TBC1D4: variants seen among roughly 807,000 people sequenced by gnomAD.
TBC1D4 encodes TBC (Tre-2, BUB2, CDC16) domain-containing protein.
In TBC1D4, 121 loss-of-function variants were observed where a neutral mutation model predicts 142.5. That is an observed-to-expected ratio of 0.85 (90% CI 0.73 to 0.99). The LOEUF (loss-of-function observed/expected upper bound fraction) is 0.99, where lower values mean the gene tolerates loss of function less well. TBC1D4 is among the 50% of genes least tolerant of loss of function. The pLI is 0.00. For synonymous variants in TBC1D4, 630 were observed against 628.2 expected, an observed-to-expected ratio of 1.00 and a Z score of -0.04; for missense variants, 1,475 against 1,606.6, an observed-to-expected ratio of 0.92 and a Z score of 1.40.
At chr13:75,291,532 C>A (rs1278015501) in intron 19 of TBC1D4, among the ~76,000 whole-genome samples, 1 of 152,134 alleles carries the variant, frequency 6.6e-6, no homozygotes, top group African/African-American at 2.4e-5. Flanking sequence ...GAGAATGTTT[C>A]CTGTAGGGAC....
At chr13:75,383,043 C>T (rs1010356848) in intron 1 of TBC1D4, among the ~76,000 whole-genome samples, 1 of 152,162 alleles carries the variant, frequency 6.6e-6, no homozygotes, top group Non-Finnish European at 1.5e-5. Context: ...TATCTTCGGT[C>T]GAGCACAGAG....
intron 7 of TBC1D4, among the ~76,000 whole-genome samples, chr13:75,337,394 T>G (rs905374959): frequency 2.0e-5 from 3 of 152,186 alleles, no homozygotes; most frequent in African/African-American, 7.2e-5. Context: ...ATACTTTATA[T>G]CCAAATTACC....
In TBC1D4 at chr13:75,392,764, C is replaced by T. The variant is rs1044868419; in HGVS notation, c.499-30157G>A. Among the ~76,000 whole-genome samples, 12 of 152,020 alleles carry T rather than the reference C, an allele frequency of 7.9e-5. 1 individual carries two copies. The highest frequency in any genetic ancestry group is 7.9e-4 in the Admixed American group (12 of 15,250). On this transcript the variant is annotated intron_variant, in intron 1 of 20. Coordinates refer to ENST00000377636, the MANE Select transcript of TBC1D4 (RefSeq NM_014832.5). Reference sequence around the variant, plus strand: ...GATCCTCCCACCTCAGCCTCCTGAGCAGCTGGGACTACAAGCATGCGCCAC... The same window carrying T: ...GATCCTCCCACCTCAGCCTCCTGAGTAGCTGGGACTACAAGCATGCGCCAC...
intron 6 of TBC1D4, 87 bp from the exon 7 acceptor site, chr13:75,341,322 A>G (rs1017331427): frequency 7.1e-7 from 1 of 1,406,496 alleles, no homozygotes; most frequent in Non-Finnish European, 1.0e-6. Flanking sequence ...AAATAAAGCT[A>G]AGAGTTTTAA....
intron 1 of TBC1D4, among the ~76,000 whole-genome samples, chr13:75,411,283 T>C (rs556854129): frequency 6.6e-6 from 1 of 152,286 alleles, no homozygotes; most frequent in South Asian, 2.1e-4. Context: ...TAGAACTAGT[T>C]ACCACTTAGT....
intron 11 of TBC1D4, among the ~76,000 whole-genome samples, chr13:75,323,985 A>G (rs1226605254): frequency 6.6e-6 from 1 of 152,166 alleles, no homozygotes; most frequent in Middle Eastern, 3.2e-3. Context: ...GAGAAAACGA[A>G]ACACACAAAC....
At chr13:75,418,342 G>A (rs369597092) in intron 1 of TBC1D4, among the ~76,000 whole-genome samples, 1 of 152,194 alleles carries the variant, frequency 6.6e-6, no homozygotes, top group Non-Finnish European at 1.5e-5. Flanking sequence ...AATCCAGATG[G>A]AGGGATAATT....
Position 75,424,148 on chromosome 13 carries a change from T to C in TBC1D4, c.498+57122A>G, listed in dbSNP as rs368992835. ...ACTAGCCAGGCATGATGGTGTATGC[T>C]GGTAGTCCCAGTTACTCAGGAGGCT... is the stretch of plus-strand genomic sequence containing the variant. On this transcript the variant is annotated intron_variant, in intron 1 of 20. Transcript: ENST00000377636. 5.3e-5 allele frequency among the ~76,000 whole-genome samples: 8 copies of C among 152,008 alleles called. 1 individual carries two copies. In the South Asian group the frequency reaches 1.7e-3, roughly 32 times the overall value.
At chr13:75,291,558 A>C (rs1210959578) in intron 19 of TBC1D4, among the ~76,000 whole-genome samples, 1 of 152,076 alleles carries the variant, frequency 6.6e-6, no homozygotes, top group Non-Finnish European at 1.5e-5. Flanking sequence ...CTGATACACC[A>C]AGTCTCCTCA....
chr13:75,363,947 G>A (rs918992974), intron 1 of TBC1D4, among the ~76,000 whole-genome samples: 2 of 152,206 alleles, frequency 1.3e-5, no homozygotes, highest in Non-Finnish European at 2.9e-5. Context: ...GCCTCAGGAG[G>A]TTCTGAGAAC....
Position 75,302,255 on chromosome 13 carries a change from G to A in TBC1D4, c.2899C>T (p.Leu967Phe), listed in dbSNP as rs1032760870. 1 of 1,614,042 alleles carries A rather than the reference G, an allele frequency of 6.2e-7. No homozygotes were observed. Among genetic ancestry groups the A allele is most frequent in the Non-Finnish European group, 8.5e-7 (1 of 1,180,038 alleles). Reference sequence around the variant, plus strand: ...ATGACAAACATACCTAAATCCACGAGAATCGCATGCTGCTGAGCAGTGAGC... The same window carrying A: ...ATGACAAACATACCTAAATCCACGAAAATCGCATGCTGCTGAGCAGTGAGC... ...KQLTAQQHAILVDLGRTFPTH... is the reference protein window; with the variant it reads ...KQLTAQQHAIFVDLGRTFPTH... Residue 967 changes from leucine to phenylalanine, a missense_variant, in exon 16 of 21, where the codon CTC (leucine) becomes TTC (phenylalanine). This residue lies in a region of TBC1D4 where 1,227 missense variants were observed against 1,267.7 expected (regional missense o/e 0.97). Coordinates refer to ENST00000377636, the MANE Select transcript of TBC1D4 (RefSeq NM_014832.5).
intron 13 of TBC1D4, among the ~76,000 whole-genome samples, chr13:75,312,416 GAA>G (rs762306467): frequency 8.0e-6 from 1 of 125,672 alleles, no homozygotes; most frequent in Non-Finnish European, 1.7e-5. Context: ...CAATCTCTGG[GAA>G]AAAAAAAAAG....
intron 16 of TBC1D4, among the ~76,000 whole-genome samples, chr13:75,300,798 C>G (rs1199841925): frequency 6.6e-6 from 1 of 152,168 alleles, no homozygotes; most frequent in Admixed American, 6.5e-5. Flanking sequence ...ATTGTATCAT[C>G]AATTTATGGT....
In TBC1D4 at chr13:75,413,713, G is replaced by A. The variant is rs549016878; in HGVS notation, c.499-51106C>T. Among the ~76,000 whole-genome samples the A allele has an allele frequency of 6.6e-5, 10 of 152,172 alleles. No individual in the cohort carries two copies. In the East Asian group the frequency reaches 7.7e-4, roughly 12 times the overall value. The stretch of plus-strand genomic sequence containing the variant: ...AGTTCTTTCTGTCACTAAGCATCAC[G>A]GCGGGAAACACTTTGTATTACACTG... On this transcript the variant is annotated intron_variant, in intron 1 of 20. Coordinates refer to ENST00000377636, the MANE Select transcript of TBC1D4 (RefSeq NM_014832.5).
chr13:75,369,658 AC>A (rs1302964679), intron 1 of TBC1D4, among the ~76,000 whole-genome samples: 1 of 152,158 alleles, frequency 6.6e-6, no homozygotes, highest in East Asian at 1.9e-4. Context: ...AAGATATGAT[AC>A]CCCCTAGGTC....
intron 10 of TBC1D4, 79 bp downstream of exon 10, chr13:75,326,118 C>T: frequency 3.3e-6 from 5 of 1,512,064 alleles, no homozygotes; most frequent in Non-Finnish European, 4.6e-6. Flanking sequence ...CATAAATTCA[C>T]AATCCACCTT....
chr13:75,395,999 ACTTC>A (rs1199751555), intron 1 of TBC1D4, among the ~76,000 whole-genome samples: 1 of 152,126 alleles, frequency 6.6e-6, no homozygotes, highest in Non-Finnish European at 1.5e-5. Flanking sequence ...TTGGCTCTGG[ACTTC>A]CTCAACAAAG....
At chr13:75,410,365 G>GCTT (rs1015265651) in intron 1 of TBC1D4, among the ~76,000 whole-genome samples, 4 of 152,058 alleles carry the variant, frequency 2.6e-5, no homozygotes, top group Non-Finnish European at 4.4e-5. Context: ...CCAGAACAGT[G>GCTT]CTTCTTCTTC....
At chr13:75,293,724 C>A (rs972904374) in intron 18 of TBC1D4, among the ~76,000 whole-genome samples, 1 of 152,304 alleles carries the variant, frequency 6.6e-6, no homozygotes, top group South Asian at 2.1e-4. Context: ...AACACTAATG[C>A]AGTGTTTAAC....
Sources: allele counts gnomAD v4.1 joint callset (sites outside exome capture counted in the v4.1 genomes callset), GRCh38; gene constraint gnomAD v4.1.1; regional missense constraint gnomAD v4.1.1; transcripts MANE v1.5; gene names NCBI Gene and HGNC (gene_info 2026-07-23, HGNC 2026-07-21).